The following ACKR3 variants were observed in gnomAD, a reference collection of about 807,000 sequenced individuals.
ACKR3 encodes atypical chemokine receptor 3, also known as C-X-C chemokine receptor type 7.
ACKR3 carries 6 observed loss-of-function variants against 22.4 expected under a neutral mutation model. The ratio of observed to expected loss-of-function variants is 0.27; its 90% CI spans 0.15 to 0.53. The LOEUF (loss-of-function observed/expected upper bound fraction) is 0.53. Among genes scored for constraint, ACKR3 ranks in the 20% least tolerant of loss-of-function variants. The pLI, the probability that ACKR3 is intolerant of heterozygous loss-of-function variation, is 0.96. For synonymous variants in ACKR3, 209 were observed against 205.2 expected (o/e 1.02, Z -0.16); for missense variants, 396 against 475.2 (o/e 0.83, Z 1.55).
the ACKR3 span, among the ~76,000 whole-genome samples, chr2:236,552,707 T>C: frequency 6.6e-6 from 1 of 152,108 alleles, no homozygotes; most frequent in Admixed American, 6.5e-5. Context: ...GCTCTGCGTG[T>C]AGGAAACTTG....
chr2:236,540,450 G>A, the ACKR3 span, among the ~76,000 whole-genome samples: 1 of 151,668 alleles, frequency 6.6e-6, no homozygotes, highest in Non-Finnish European at 1.5e-5. Context: ...TCTTTCTCCA[G>A]TCTCTGACTT....
the ACKR3 span, among the ~76,000 whole-genome samples, chr2:236,544,020 T>C: frequency 1.5e-5 from 2 of 135,682 alleles, no homozygotes; most frequent in African/African-American, 5.3e-5. The surrounding 1 kb of genome is among the most constrained non-coding windows in gnomAD (Gnocchi z 5.0). Context: ...AGACAGAGTC[T>C]TGCTCTGTCA....
chr2:236,556,356 C>T, the ACKR3 span, among the ~76,000 whole-genome samples: 2 of 152,038 alleles, frequency 1.3e-5, 1 homozygote, highest in African/African-American at 4.8e-5. Flanking sequence ...GCTCCAGAAC[C>T]TGTGAATCGT....
Position 236,580,883 on chromosome 2 carries a change from G to C in ACKR3, c.418G>C (p.Val140Leu), listed in dbSNP as rs140730699. The change falls in exon 2 of 2, where the codon GTG (valine) becomes CTG (leucine). Residue 140 changes from valine (V) to leucine (L), a missense_variant. By Grantham distance (32) the Val-to-Leu change is conservative (BLOSUM62 1). Transcript: ENST00000272928. ...GSIFFLTCMS[V>L]DRYLSITYFT... is the part of the protein sequence containing the mutation. ...CATTTTCTTCCTCACGTGCATGAGC[G>C]TGGACCGCTACCTCTCCATCACCTA... 3 of 1,614,176 alleles carry C rather than the reference G, an allele frequency of 1.9e-6. No homozygotes were observed. Among genetic ancestry groups the C allele is most frequent in the Middle Eastern group, 1.6e-4 (1 of 6,062 alleles).
At chr2:236,544,091 G>A in the ACKR3 span, among the ~76,000 whole-genome samples, 3 of 149,786 alleles carry the variant, frequency 2.0e-5, no homozygotes, top group Non-Finnish European at 3.0e-5. The surrounding 1 kb of genome is among the most constrained non-coding windows in gnomAD (Gnocchi z 5.0). Context: ...CCGGATTCAA[G>A]TGATTCTGCT....
the ACKR3 span, among the ~76,000 whole-genome samples, chr2:236,547,477 C>T: frequency 1.3e-5 from 2 of 152,088 alleles, no homozygotes; most frequent in East Asian, 1.9e-4. Flanking sequence ...AGATTATTTT[C>T]TTTGTTCACG....
chr2:236,540,091 A>G, the ACKR3 span, among the ~76,000 whole-genome samples: 1 of 152,214 alleles, frequency 6.6e-6, no homozygotes, highest in African/African-American at 2.4e-5. Flanking sequence ...ATTTAACTTT[A>G]TAGGAAACTG....
chr2:236,553,579 CA>C, the ACKR3 span, among the ~76,000 whole-genome samples: 1 of 152,250 alleles, frequency 6.6e-6, no homozygotes, highest in Admixed American at 6.5e-5. Flanking sequence ...GTCACAGATG[CA>C]GAAGCACCTG....
intron 1 of ACKR3, among the ~76,000 whole-genome samples, chr2:236,575,578 CTG>C: frequency 1.1e-5 from 1 of 92,444 alleles, no homozygotes; most frequent in Non-Finnish European, 2.0e-5. Flanking sequence ...TGGGGTTGTG[CTG>C]TGTGTGCGTG....
chr2:236,562,786 T>G, the ACKR3 span, among the ~76,000 whole-genome samples: 4 of 152,206 alleles, frequency 2.6e-5, no homozygotes, highest in South Asian at 2.1e-4. Flanking sequence ...CCAGTTTGGA[T>G]ACTGTCACAC....
the ACKR3 span, among the ~76,000 whole-genome samples, chr2:236,558,694 A>T: frequency 6.6e-6 from 1 of 152,204 alleles, no homozygotes; most frequent in Non-Finnish European, 1.5e-5. Context: ...GGGAATAAAG[A>T]TTCTTTGTTC....
chr2:236,555,378 G>A, the ACKR3 span, among the ~76,000 whole-genome samples: 2 of 152,180 alleles, frequency 1.3e-5, no homozygotes, highest in African/African-American at 4.8e-5. Context: ...CTCTGATAGT[G>A]CAAAATGGAG....
the ACKR3 span, among the ~76,000 whole-genome samples, chr2:236,538,631 T>A: frequency 2.0e-5 from 3 of 152,336 alleles, no homozygotes; most frequent in African/African-American, 7.2e-5. Flanking sequence ...CCAAGTCTAG[T>A]GGACCTCTTG....
chr2:236,546,213 C>T, the ACKR3 span, among the ~76,000 whole-genome samples: 6 of 152,108 alleles, frequency 3.9e-5, no homozygotes, highest in African/African-American at 1.4e-4. This position sits in a 1 kb window ranked among gnomAD's most constrained non-coding sequence, Gnocchi z 4.9. Context: ...TTTTTTACAT[C>T]GTTGTAGGCA....
chr2:236,565,316 C>T (rs932435624), upstream of ACKR3, among the ~76,000 whole-genome samples: 5 of 152,166 alleles, frequency 3.3e-5, no homozygotes, highest in Admixed American at 6.5e-5. Flanking sequence ...GCGATTCCAG[C>T]GTATTGACTA....
upstream of ACKR3, among the ~76,000 whole-genome samples, chr2:236,565,904 T>A (rs1574969680): frequency 6.6e-6 from 1 of 152,140 alleles, no homozygotes; most frequent in Non-Finnish European, 1.5e-5. Flanking sequence ...GTGAAATGAC[T>A]CCTGCCATGC....
chr2:236,575,236 A>T (rs1048314349), intron 1 of ACKR3, among the ~76,000 whole-genome samples: 2 of 152,162 alleles, frequency 1.3e-5, no homozygotes, highest in African/African-American at 2.4e-5. Context: ...TAAAAACTAC[A>T]AGTCTCCTTT....
At chr2:236,543,687 T>G in the ACKR3 span, among the ~76,000 whole-genome samples, 2 of 151,900 alleles carry the variant, frequency 1.3e-5, no homozygotes, top group Non-Finnish European at 2.9e-5. Context: ...CACATTTTAA[T>G]GGAGTCACTA....
chr2:236,575,493 T>C lies in ACKR3; in HGVS notation c.-26-4947T>C, dbSNP rs529868794. 5.3e-3 allele frequency among the ~76,000 whole-genome samples: 646 copies of C among 122,726 alleles called. 15 individuals are homozygous for C. Among genetic ancestry groups the C allele is most frequent in the South Asian group, 8.1e-3 (28 of 3,450 alleles). 80.5% of individuals were successfully genotyped at this position (122,726 alleles called of 152,430 possible). A position where few individuals can be genotyped will look rare whatever the true frequency, so the allele number is the denominator to read the frequency against. ...CTGTGTGTGCGTGTGTCTGGGGTTG[T>C]GCTGTGTGTGTGTGTGTCTGGGGTT... On this transcript the variant is annotated intron_variant, in intron 1 of 1. Coordinates refer to ENST00000272928, the MANE Select transcript of ACKR3 (RefSeq NM_020311.3).
Sources: allele counts gnomAD v4.1 joint callset (sites outside exome capture counted in the v4.1 genomes callset), GRCh38; gene constraint gnomAD v4.1.1; non-coding constraint Gnocchi (gnomAD v3.1); transcripts MANE v1.5; gene names NCBI Gene and HGNC (gene_info 2026-07-23, HGNC 2026-07-21).